HEG1: variants seen among roughly 807,000 people sequenced by gnomAD.
HEG1 encodes the protein protein HEG homolog 1.
A neutral mutation model predicts 125.6 loss-of-function variants in HEG1; 56 were observed. The observed-to-expected ratio is 0.45, with a 90% CI of 0.36 to 0.56. The LOEUF (loss-of-function observed/expected upper bound fraction) is 0.56, where lower values mean the gene tolerates loss of function less well. HEG1 is among the 20% of genes least tolerant of loss of function. The probability of loss-of-function intolerance (pLI) is 0.00; values close to 1 mark genes in which losing one functional copy is unlikely to be tolerated. For missense variants in HEG1, 1,523 were observed against 1,670.0 expected (o/e 0.91, Z 1.53); for synonymous variants, 644 against 668.5 (o/e 0.96, Z 0.57).
rs892764735 is a variant in HEG1 at position 124,967,533 on chromosome 3, A to C, written c.*3119T>G. 1 of 151,976 alleles carries C rather than the reference A, an allele frequency of 6.6e-6. No homozygotes were observed. The highest frequency in any genetic ancestry group is 1.5e-5 in the Non-Finnish European group (1 of 68,022). The allele number at this position is 151,976 out of a possible 1,614,324, so 9.4% of individuals were successfully genotyped here. ...AAAAATAATATTAAGGTTCCTTAAA[A>C]AAATAACTTATCTTTAAAGCCCTTT... On this transcript the variant is annotated 3_prime_UTR_variant, in exon 17 of 17. Coordinates refer to ENST00000311127, the MANE Select transcript of HEG1 (RefSeq NM_020733.2).
chr3:125,054,054 T>C (rs1937873880), intron 1 of HEG1, among the ~76,000 whole-genome samples: 1 of 152,274 alleles, frequency 6.6e-6, no homozygotes, highest in South Asian at 2.1e-4. Flanking sequence ...GGGTGTCTCC[T>C]CTGAAATGTT....
chr3:125,042,584 G>T (rs1443683513), intron 1 of HEG1, among the ~76,000 whole-genome samples: 1 of 152,238 alleles, frequency 6.6e-6, no homozygotes, highest in African/African-American at 2.4e-5. Flanking sequence ...TGCTTCTGGG[G>T]TGTGAGAACG....
chr3:125,010,219 G>T (rs1246588788), intron 7 of HEG1, among the ~76,000 whole-genome samples: 3 of 152,202 alleles, frequency 2.0e-5, no homozygotes, highest in African/African-American at 7.2e-5. Context: ...AGTGTGGCAG[G>T]AGTGTTGGGA....
At chr3:125,028,123 C>T (rs1352227700) in intron 2 of HEG1, among the ~76,000 whole-genome samples, 2 of 152,334 alleles carry the variant, frequency 1.3e-5, no homozygotes, top group South Asian at 2.1e-4. Context: ...GGCCACATCG[C>T]AGCACCTGGT....
intron 1 of HEG1, among the ~76,000 whole-genome samples, chr3:125,054,660 C>G (rs1244800249): frequency 6.6e-6 from 1 of 152,216 alleles, no homozygotes; most frequent in Admixed American, 6.5e-5. Flanking sequence ...AAGGCAAAGG[C>G]TAACACCACC....
intron 14 of HEG1, among the ~76,000 whole-genome samples, chr3:124,988,334 G>A (rs1936777077): frequency 6.6e-6 from 1 of 152,088 alleles, no homozygotes; most frequent in Non-Finnish European, 1.5e-5. Context: ...CATCCAGACT[G>A]TTTTACATAA....
rs1480860276 is a variant in HEG1 at position 124,966,383 on chromosome 3, A to G, written c.*4269T>C. On this transcript the variant is annotated 3_prime_UTR_variant, in exon 17 of 17. Transcript: ENST00000311127. ...TGAAGATACTTTACTACAACAAATT[A>G]ATTGGCATTTAATACTTTCATGTTC... 6.6e-6 allele frequency: 1 copy of G among 152,172 alleles called. No individual in the cohort carries two copies. The highest frequency in any genetic ancestry group is 1.5e-5 in the Non-Finnish European group (1 of 68,034). The allele number at this position is 152,172 out of a possible 1,614,324, so 9.4% of individuals were successfully genotyped here. A position where few individuals can be genotyped will look rare whatever the true frequency, so the allele number is the denominator to read the frequency against.
In HEG1 at chr3:125,027,285, C is replaced by A; in HGVS notation, c.833G>T (p.Arg278Ile). The change falls in exon 3 of 17, where the codon AGA becomes ATA. Residue 278 changes from arginine to isoleucine, a missense_variant. Physicochemically the swap from Arg to Ile is moderately conservative, Grantham distance 97 (BLOSUM62 -3). Transcript: ENST00000311127. Reference protein sequence around the residue: ...MGELTTPSRKRNSSGPDLSWL... With the variant: ...MGELTTPSRKINSSGPDLSWL... ...GGAGAGATCTGGTCCTGAGGAATTT[C>A]TCTTCCTAGAAGGCGTGGTCAGCTC... 1 of 1,613,612 alleles carries A rather than the reference C, an allele frequency of 6.2e-7. No individual in the cohort carries two copies. The highest frequency in any genetic ancestry group is 8.5e-7 in the Non-Finnish European group (1 of 1,179,776).
chr3:124,976,747 C>G (rs1936548644), intron 15 of HEG1, among the ~76,000 whole-genome samples: 1 of 151,984 alleles, frequency 6.6e-6, no homozygotes, highest in South Asian at 2.1e-4. Flanking sequence ...AATACCTTTC[C>G]TGGGAAAGCT....
chr3:124,985,447 T>C (rs1226092298), intron 14 of HEG1, among the ~76,000 whole-genome samples: 3 of 152,182 alleles, frequency 2.0e-5, no homozygotes, highest in Non-Finnish European at 4.4e-5. Context: ...CAAAGTTGTT[T>C]AGCAATTATG....
chr3:125,005,739 T>C (rs78923369), intron 8 of HEG1, among the ~76,000 whole-genome samples: 2,286 of 152,196 alleles, frequency 0.015, 54 homozygotes, highest in African/African-American at 0.052. Flanking sequence ...GTCTAAACAA[T>C]GTCATCCTAG....
At chr3:125,034,343 C>T (rs182213323) in intron 1 of HEG1, among the ~76,000 whole-genome samples, 12 of 151,902 alleles carry the variant, frequency 7.9e-5, no homozygotes, top group African/African-American at 2.9e-4. Flanking sequence ...AAGAAGTATA[C>T]AAAATTACAT....
chr3:124,992,640 C>T (rs979234354), intron 12 of HEG1, among the ~76,000 whole-genome samples: 3 of 152,194 alleles, frequency 2.0e-5, no homozygotes, highest in African/African-American at 2.4e-5. Flanking sequence ...CTGGGTCCAG[C>T]GTCCTTGTGT....
chr3:125,010,776 A>G (rs1937147154), intron 6 of HEG1, among the ~76,000 whole-genome samples: 1 of 152,224 alleles, frequency 6.6e-6, no homozygotes, highest in African/African-American at 2.4e-5. Context: ...AGACAATGGG[A>G]TCCCTGAATG....
intron 3 of HEG1, among the ~76,000 whole-genome samples, chr3:125,023,453 C>A (rs1034482469): frequency 6.6e-6 from 1 of 152,272 alleles, no homozygotes; most frequent in Non-Finnish European, 1.5e-5. Context: ...TCATCATTAT[C>A]AAAAACTACC....
chr3:124,985,128 T>C (rs1283342400), intron 14 of HEG1, among the ~76,000 whole-genome samples: 1 of 152,182 alleles, frequency 6.6e-6, no homozygotes, highest in Non-Finnish European at 1.5e-5. Context: ...ATTAACTAAA[T>C]TTATGGGCCT....
chr3:124,981,771 T>G (rs1936658380), intron 14 of HEG1, among the ~76,000 whole-genome samples: 1 of 152,252 alleles, frequency 6.6e-6, no homozygotes. Flanking sequence ...AAGTTAGCAC[T>G]GCCTCGGGTA....
intron 1 of HEG1, among the ~76,000 whole-genome samples, chr3:125,046,970 C>T (rs374132192): frequency 6.6e-6 from 1 of 152,248 alleles, no homozygotes; most frequent in African/African-American, 2.4e-5. Context: ...ATCCTAATAG[C>T]TTTCTATGCG....
In HEG1 at chr3:125,046,406, C is replaced by T. The variant is rs200323816; in HGVS notation, c.316+9169G>A. ...ATATATATATATACACATACACACA[C>T]ACACACACACACACACACACACACA... On this transcript the variant is annotated intron_variant, in intron 1 of 16. Transcript: ENST00000311127. 4.2e-3 allele frequency among the ~76,000 whole-genome samples: 224 copies of T among 53,374 alleles called. 1 individual carries two copies. Among genetic ancestry groups the T allele is most frequent in the African/African-American group, 0.02 (217 of 11,092 alleles). The allele number at this position is 53,374 out of a possible 152,430, so 35.0% of individuals were successfully genotyped here. A position where few individuals can be genotyped will look rare whatever the true frequency, so the allele number is the denominator to read the frequency against.
Sources: gnomAD v4.1 joint callset for allele counts (sites outside exome capture counted in the v4.1 genomes callset) on GRCh38, gnomAD v4.1.1 for gene constraint, MANE v1.5 for transcripts, NCBI Gene and HGNC (gene_info 2026-07-23, HGNC 2026-07-21) for gene names.